CLPTM1: variants seen among roughly 807,000 people sequenced by gnomAD.
CLPTM1 encodes the protein CLPTM1 regulator of GABA type A receptor forward trafficking.
CLPTM1 carries 21 observed loss-of-function variants against 77.3 expected under a neutral mutation model. That is an observed-to-expected ratio of 0.27 (90% CI 0.19 to 0.39). The LOEUF is 0.39. Among genes scored for constraint, CLPTM1 ranks in the 10% least tolerant of loss-of-function variants. The pLI is 1.00. For missense variants in CLPTM1, 642 were observed against 921.2 expected, an observed-to-expected ratio of 0.70 and a Z score of 3.92; for synonymous variants, 373 against 381.0, an observed-to-expected ratio of 0.98 and a Z score of 0.24.
In CLPTM1 at chr19:44,973,038, C is replaced by T. The variant is rs73558177; in HGVS notation, c.186-49C>T. ...AGAAGGAAGTCAGGCGGGTCTATGG[C>T]GGAGAGCCAAGGCTTGGGGACTCAC... On this transcript the variant is annotated intron_variant, in intron 2 of 13. Transcript: ENST00000337392. 4,669 of 1,601,570 alleles carry T rather than the reference C, an allele frequency of 2.9e-3. 124 individuals carry two copies. The African/African-American group carries it at 0.053, about 18-fold the overall frequency.
chr19:44,983,956 T>C (rs1043950051), intron 5 of CLPTM1, among the ~76,000 whole-genome samples: 4 of 152,170 alleles, frequency 2.6e-5, no homozygotes, highest in Non-Finnish European at 5.9e-5. Context: ...AGCGAGACTC[T>C]GTCTCCAGAA....
At chr19:44,955,210 C>A, upstream of CLPTM1, 3 of 1,527,346 alleles carry the variant, frequency 2.0e-6, no homozygotes, top group Non-Finnish European at 1.8e-6. Flanking sequence ...GGGAGAAAGA[C>A]GAGTACGGTG....
chr19:44,980,290 C>T (rs780443500), intron 5 of CLPTM1, among the ~76,000 whole-genome samples: 1 of 152,108 alleles, frequency 6.6e-6, no homozygotes, highest in Non-Finnish European at 1.5e-5. Flanking sequence ...AAGCAGATCA[C>T]TTGAGGTCAG....
rs775778756 is a variant in CLPTM1 at position 44,990,814 on chromosome 19, C to T, written c.1324-36C>T. 15 of 1,537,198 alleles carry T rather than the reference C, an allele frequency of 9.8e-6. No homozygotes were observed. In the East Asian group the frequency reaches 1.6e-4, roughly 16 times the overall value. On this transcript the variant is annotated intron_variant, in intron 10 of 13. Coordinates refer to ENST00000337392, the MANE Select transcript of CLPTM1 (RefSeq NM_001294.4). This position sits in a 1 kb window ranked among gnomAD's most constrained non-coding sequence, Gnocchi z 4.8. ...TTCTGGCTTGTGGGGTGGGAGCCAGCGTAGCAACTGACCATGGCACCCACC... is the reference window on the plus strand; with the variant it reads ...TTCTGGCTTGTGGGGTGGGAGCCAGTGTAGCAACTGACCATGGCACCCACC...
Position 44,992,603 on chromosome 19 carries a change from C to A in CLPTM1, c.1724-8C>A. The stretch of plus-strand genomic sequence containing the variant: ...CCCGACCTCACACTGCCTCCCACCC[C>A]TCTCCAGATGTGGTTTTCTTCATCT... On this transcript the variant is annotated splice_region_variant and splice_polypyrimidine_tract_variant and intron_variant, in intron 13 of 13. Transcript: ENST00000337392. This position sits in a 1 kb window ranked among gnomAD's most constrained non-coding sequence, Gnocchi z 7.7. The A allele has an allele frequency of 6.2e-7, 1 of 1,613,518 alleles. No individual in the cohort carries two copies. The highest frequency in any genetic ancestry group is 2.2e-5 in the East Asian group (1 of 44,864).
intron 2 of CLPTM1, among the ~76,000 whole-genome samples, chr19:44,969,097 T>A (rs2122263894): frequency 6.6e-6 from 1 of 152,320 alleles, no homozygotes. Context: ...TTCCTATGAT[T>A]AAAATAACAG....
rs1167371993 is a variant in CLPTM1 at position 44,986,481 on chromosome 19, G to A, written c.699G>A (p.Glu233=). The A allele has an allele frequency of 6.2e-7, 1 of 1,614,112 alleles. No homozygotes were observed. Residue 233 remains glutamate, a synonymous_variant, in exon 7 of 14, where the codon GAG becomes GAA. Coordinates refer to ENST00000337392, the MANE Select transcript of CLPTM1 (RefSeq NM_001294.4). ...GGGCTGAGGACTATGGGCCTGTGGA[G>A]GTGATCTCCCATTGGCACCCCAACA... is the stretch of plus-strand genomic sequence containing the variant. ...IKRAEDYGPV[E]VISHWHPNIT...
upstream of CLPTM1, chr19:44,954,594 C>T: frequency 9.8e-7 from 1 of 1,021,530 alleles, no homozygotes; most frequent in Non-Finnish European, 1.2e-6. Context: ...CCTCTCCAAA[C>T]TAAGGGTCTC....
chr19:44,976,092 C>T (rs902073416), intron 4 of CLPTM1, among the ~76,000 whole-genome samples: 7 of 152,074 alleles, frequency 4.6e-5, no homozygotes, highest in Non-Finnish European at 1.0e-4. Context: ...TCTGCTCAAG[C>T]GATCCTCTCA....
intron 6 of CLPTM1, among the ~76,000 whole-genome samples, chr19:44,985,742 C>T (rs1970966785): frequency 1.3e-5 from 2 of 152,156 alleles, no homozygotes; most frequent in Non-Finnish European, 2.9e-5. Context: ...GCTGGGGAGC[C>T]GGGCAGTTAA....
chr19:44,986,345 A>T, intron 6 of CLPTM1, 110 bp from the exon 7 acceptor site: 3 of 1,406,728 alleles, frequency 2.1e-6, no homozygotes, highest in South Asian at 2.7e-5. Flanking sequence ...AAAAAAAAGA[A>T]AGCAAAGATT....
At chr19:44,959,856 C>A (rs1970517986) in intron 1 of CLPTM1, among the ~76,000 whole-genome samples, 1 of 152,210 alleles carries the variant, frequency 6.6e-6, no homozygotes. Context: ...TGATAGCCAT[C>A]CTAATAGGTG....
chr19:44,969,590 C>T (rs1484558328), intron 2 of CLPTM1, among the ~76,000 whole-genome samples: 1 of 152,036 alleles, frequency 6.6e-6, no homozygotes, highest in East Asian at 1.9e-4. Flanking sequence ...TCCTCATAGC[C>T]CAAGACAGCT....
chr19:44,955,392 G>C lies in CLPTM1; in HGVS notation c.-4G>C, dbSNP rs1306717218. On this transcript the variant is annotated 5_prime_UTR_variant, in exon 1 of 14. Transcript: ENST00000337392. ...CGGCGGGGGCGGGGACCCGGAGCGGGAAGATGGCGGCGGCGCAGGAGGCGG... is the reference window on the plus strand; with the variant it reads ...CGGCGGGGGCGGGGACCCGGAGCGGCAAGATGGCGGCGGCGCAGGAGGCGG... The C allele has an allele frequency of 7.5e-7, 1 of 1,337,424 alleles. No homozygotes were observed. The highest frequency in any genetic ancestry group is 3.0e-5 in the East Asian group (1 of 33,846). The allele number at this position is 1,337,424 out of a possible 1,614,324, so 82.8% of individuals were successfully genotyped here.
intron 1 of CLPTM1, among the ~76,000 whole-genome samples, chr19:44,956,914 G>A (rs1389288212): frequency 6.6e-6 from 1 of 152,196 alleles, no homozygotes; most frequent in Non-Finnish European, 1.5e-5. Context: ...GATTTCTCGA[G>A]CTCGGCACTA....
chr19:44,972,449 C>T (rs1309681979), intron 2 of CLPTM1, among the ~76,000 whole-genome samples: 1 of 151,896 alleles, frequency 6.6e-6, no homozygotes, highest in Non-Finnish European at 1.5e-5. Flanking sequence ...CAGGGTTTCA[C>T]CATGTTAGCC....
chr19:44,974,011 G>A (rs533882642), intron 3 of CLPTM1, among the ~76,000 whole-genome samples: 29 of 152,074 alleles, frequency 1.9e-4, no homozygotes, highest in Non-Finnish European at 3.7e-4. Flanking sequence ...TGGTCTACCC[G>A]CCTTGGCCTC....
At chr19:44,986,290 A>G (rs941575524) in intron 6 of CLPTM1, among the ~76,000 whole-genome samples, 165 bp from the exon 7 acceptor site, 16 of 151,708 alleles carry the variant, frequency 1.1e-4, no homozygotes, top group African/African-American at 3.4e-4. Flanking sequence ...GCTTGAGCCC[A>G]GAATTCGAGA....
At position 44,967,156 on chromosome 19, in the gene CLPTM1, A is replaced by G. The variant is rs576006721; in HGVS notation, c.185+5081A>G. Among the ~76,000 whole-genome samples the G allele has an allele frequency of 3.9e-4, 59 of 151,894 alleles. 1 individual carries two copies. The highest frequency in any genetic ancestry group is 1.4e-3 in the African/African-American group (57 of 41,470). On this transcript the variant is annotated intron_variant, in intron 2 of 13. Transcript: ENST00000337392. ...GCGCCTATCCTGACCCCATCTCTGTAAAAAACTAAAAAATTAGCTGGGTGT... is the reference window on the plus strand; with the variant it reads ...GCGCCTATCCTGACCCCATCTCTGTGAAAAACTAAAAAATTAGCTGGGTGT...
Sources: gnomAD v4.1 joint callset for allele counts (sites outside exome capture counted in the v4.1 genomes callset) on GRCh38, gnomAD v4.1.1 for gene constraint, Gnocchi (gnomAD v3.1) non-coding constraint, MANE v1.5 for transcripts, NCBI Gene and HGNC (gene_info 2026-07-23, HGNC 2026-07-21) for gene names.